The following IFNLR1 variants were observed in gnomAD, a reference collection of about 807,000 sequenced individuals.
IFNLR1 encodes the protein interferon lambda receptor 1.
A neutral mutation model predicts 52.5 loss-of-function variants in IFNLR1; 28 were observed. The ratio of observed to expected loss-of-function variants is 0.53; its 90% CI spans 0.40 to 0.73. The LOEUF is 0.73. Among genes scored for constraint, IFNLR1 ranks in the 30% least tolerant of loss-of-function variants. IFNLR1 has a pLI of 0.00. For synonymous variants in IFNLR1, 276 were observed against 274.9 expected (o/e 1.00, Z -0.04); for missense variants, 623 against 659.1 (o/e 0.95, Z 0.60).
chr1:24,167,804 C>T (rs944712735), intron 3 of IFNLR1, among the ~76,000 whole-genome samples: 2 of 152,334 alleles, frequency 1.3e-5, no homozygotes, highest in Admixed American at 6.5e-5. Context: ...ACGCCATCCT[C>T]CTGCCTTAGC....
At chr1:24,164,351 A>C (rs57164694) in intron 3 of IFNLR1, among the ~76,000 whole-genome samples, 38,381 of 152,150 alleles carry the variant, frequency 0.25, 5,106 homozygotes, top group East Asian at 0.5. Context: ...CTGCATCTCA[A>C]CAGTAGAAAC....
At chr1:24,166,930 G>A (rs1389260795) in intron 3 of IFNLR1, among the ~76,000 whole-genome samples, 1 of 152,170 alleles carries the variant, frequency 6.6e-6, no homozygotes, top group Non-Finnish European at 1.5e-5. Context: ...TACCCAGGTA[G>A]ACAGTAAAAC....
Position 24,157,472 on chromosome 1 carries a change from C to G in IFNLR1, c.1221G>C (p.Leu407Phe), listed in dbSNP as rs769529500. The G allele has an allele frequency of 6.2e-7, 1 of 1,613,692 alleles. No homozygotes were observed. The highest frequency in any genetic ancestry group is 1.1e-5 in the South Asian group (1 of 91,030). ...SWDRAGSSGY[L>F]AEKGPGQGPG... ...GCCCTTGGCCTGGCCCCTTCTCAGC[C>G]AAATAGCCAGAGGACCCAGCCCTGT... Residue 407 changes from leucine (L) to phenylalanine (F), a missense_variant, in exon 7 of 7, where the codon TTG (leucine) becomes TTC (phenylalanine). Coordinates refer to ENST00000327535, the MANE Select transcript of IFNLR1 (RefSeq NM_170743.4). The surrounding 1 kb of genome is among the most constrained non-coding windows in gnomAD (Gnocchi z 5.1).
At chr1:24,169,183 C>T (rs375719238) in intron 3 of IFNLR1, among the ~76,000 whole-genome samples, 5 of 152,218 alleles carry the variant, frequency 3.3e-5, no homozygotes, top group African/African-American at 7.2e-5. Context: ...AGAGGGTGCA[C>T]GTGAGATTGC....
At chr1:24,187,160 C>T in intron 1 of IFNLR1, 31 bp downstream of exon 1, 1 of 1,343,672 alleles carries the variant, frequency 7.4e-7, no homozygotes, top group Non-Finnish European at 9.7e-7. Context: ...GAGCCCTCTT[C>T]CCCCTCCCTC....
rs760060235 is a variant in IFNLR1, at chr1:24,187,237, G to A, written c.12C>T (p.Pro4=). The A allele has an allele frequency of 5.5e-6, 7 of 1,282,228 alleles. No individual in the cohort carries two copies. Among genetic ancestry groups the A allele is most frequent in the Admixed American group, 4.2e-5 (1 of 24,006 alleles). 79.4% of individuals were successfully genotyped at this position (1,282,228 alleles called of 1,614,324 possible). ...ACAGGAGCAGGGGGCCCCAGCGCTC[G>A]GGCCCCGCCATGGCCTTCCTGCCGC... MAG[P]ERWGPLLLCL... Residue 4 remains proline (P), a synonymous_variant, in exon 1 of 7, where the codon CCC becomes CCT. Transcript: ENST00000327535.
intron 2 of IFNLR1, 59 bp downstream of exon 2, chr1:24,180,672 T>TGC: frequency 1.6e-5 from 7 of 432,138 alleles, no homozygotes; most frequent in East Asian, 6.7e-5. Context: ...GAGAAGCCCC[T>TGC]CCAGCCCCCA....
intron 6 of IFNLR1, 164 bp downstream of exon 6, chr1:24,158,888 A>G: frequency 1.3e-6 from 1 of 777,426 alleles, no homozygotes; most frequent in Non-Finnish European, 2.2e-6. Context: ...ATTCAGGACT[A>G]AATGAATGCA....
Position 24,185,936 on chromosome 1 carries a change from C to T in IFNLR1, c.58+1255G>A, listed in dbSNP as rs965623935. Among the ~76,000 whole-genome samples, 4 of 152,228 alleles carry T rather than the reference C, an allele frequency of 2.6e-5. No individual in the cohort carries two copies. The South Asian group carries it at 6.2e-4, about 24-fold the overall frequency. ...AGGGCGCTAGGCTCAGAGACAGATG[C>T]TAACTAACTTGCCTGAGGCTACACA... is the stretch of plus-strand genomic sequence containing the variant. On this transcript the variant is annotated intron_variant, in intron 1 of 6. Coordinates refer to ENST00000327535, the MANE Select transcript of IFNLR1 (RefSeq NM_170743.4).
chr1:24,186,862 G>A (rs1364496440), intron 1 of IFNLR1, among the ~76,000 whole-genome samples: 1 of 152,210 alleles, frequency 6.6e-6, no homozygotes, highest in African/African-American at 2.4e-5. Context: ...TTTTCACGCA[G>A]GGATCAGTGC....
chr1:24,184,019 T>G (rs1199839021), intron 1 of IFNLR1, among the ~76,000 whole-genome samples: 1 of 152,108 alleles, frequency 6.6e-6, no homozygotes, highest in Non-Finnish European at 1.5e-5. Context: ...CCTGAGCCAC[T>G]GTGCCTGGTC....
intron 1 of IFNLR1, among the ~76,000 whole-genome samples, chr1:24,182,944 A>AGT (rs1644706055): frequency 6.6e-6 from 1 of 151,904 alleles, no homozygotes; most frequent in East Asian, 1.9e-4. Flanking sequence ...TAAATAAATA[A>AGT]ATAAGTAAAC....
rs755259235 is a variant in IFNLR1, at chr1:24,159,628, T to C, written c.516A>G (p.Leu172=). ...GCTGGCCATGGGGAGTGACTGGAAA[T>C]AGGGTCTGTTTGGAAAAGAAGCAGA... The part of the protein sequence containing the change: ...FWKEGAGNKT[L]FPVTPHGQPV... The change falls in exon 5 of 7, where the codon CTA becomes CTG. Residue 172 remains leucine (L), a synonymous_variant. Coordinates refer to ENST00000327535, the MANE Select transcript of IFNLR1 (RefSeq NM_170743.4). 6 of 1,613,458 alleles carry C rather than the reference T, an allele frequency of 3.7e-6. No homozygotes were observed. In the South Asian group the frequency reaches 4.4e-5, roughly 12 times the overall value.
rs529309738 is a variant in IFNLR1 at position 24,175,132 on chromosome 1, C to T, written c.183-5531G>A. ...AGCTGGAGCTATTTGGCTGTGAACA[C>T]GCAATATCCTTCAAGTATAGGGAAA... On this transcript the variant is annotated intron_variant, in intron 2 of 6. Transcript: ENST00000327535. Among the ~76,000 whole-genome samples, 16 of 152,314 alleles carry T rather than the reference C, an allele frequency of 1.1e-4. No individual in the cohort carries two copies. The East Asian group carries it at 1.7e-3, about 17-fold the overall frequency.
chr1:24,171,865 A>G (rs1644582877), intron 2 of IFNLR1, among the ~76,000 whole-genome samples: 1 of 152,086 alleles, frequency 6.6e-6, no homozygotes, highest in South Asian at 2.1e-4. Flanking sequence ...CATGTTGCCC[A>G]GGCTGGTCTC....
chr1:24,162,831 TTTTCTTTCTTTC>T (rs71029518), intron 3 of IFNLR1, among the ~76,000 whole-genome samples: 1 of 33,826 alleles, frequency 3.0e-5, no homozygotes, highest in African/African-American at 1.2e-4. Flanking sequence ...TCTTTCTTTC[TTTTCTTTCTTTC>T]TTTCTTTCTT....
At chr1:24,182,036 C>A (rs915324503) in intron 1 of IFNLR1, among the ~76,000 whole-genome samples, 3 of 152,058 alleles carry the variant, frequency 2.0e-5, no homozygotes, top group Admixed American at 1.3e-4. Flanking sequence ...CTCGTCTCTA[C>A]TAAAAATGCA....
intron 2 of IFNLR1, 21 bp from the exon 3 acceptor site, chr1:24,169,622 G>A (rs181202623): frequency 6.2e-7 from 1 of 1,606,454 alleles, no homozygotes; most frequent in South Asian, 1.1e-5. Flanking sequence ...AGAGAGGAGA[G>A]CTTGGGCCAT....
chr1:24,180,616 C>A, intron 2 of IFNLR1, 115 bp downstream of exon 2: 1 of 1,012,114 alleles, frequency 9.9e-7, no homozygotes, highest in Non-Finnish European at 1.5e-6. Flanking sequence ...TCCCGTAGGG[C>A]CCAGAGAGCT....
Sources: allele counts gnomAD v4.1 joint callset (sites outside exome capture counted in the v4.1 genomes callset), GRCh38; gene constraint gnomAD v4.1.1; non-coding constraint Gnocchi (gnomAD v3.1); transcripts MANE v1.5; gene names NCBI Gene and HGNC (gene_info 2026-07-23, HGNC 2026-07-21).